SLC61A1: variants seen among roughly 807,000 people sequenced by gnomAD.
SLC61A1 encodes solute carrier family 61 member 1, also known as major facilitator superfamily domain containing 5.
the SLC61A1 span, chr12:53,252,970 C>T: frequency 2.5e-6 from 4 of 1,614,222 alleles, no homozygotes; most frequent in Middle Eastern, 1.6e-4. Context: ...AACTGGACTT[C>T]TATCAGGTCT....
the SLC61A1 span, chr12:53,253,297 T>C: frequency 1.2e-6 from 2 of 1,614,280 alleles, no homozygotes; most frequent in Non-Finnish European, 1.7e-6. Flanking sequence ...GGTATATCCA[T>C]GAGCACGTGG....
chr12:53,251,539 T>G, the SLC61A1 span: 1 of 596,132 alleles, frequency 1.7e-6, no homozygotes, highest in Non-Finnish European at 2.9e-6. Context: ...AACTTTAGCC[T>G]TCTTTATTTG....
At chr12:53,253,516 C>T in the SLC61A1 span, 1 of 1,614,154 alleles carries the variant, frequency 6.2e-7, no homozygotes, top group Non-Finnish European at 8.5e-7. Context: ...AGAACTATGA[C>T]CGGCAGCGTG....
chr12:53,251,937 G>C, the SLC61A1 span: 1 of 1,537,208 alleles, frequency 6.5e-7, no homozygotes, highest in Non-Finnish European at 8.7e-7. Flanking sequence ...CAGGTGTCAC[G>C]GGATGGCAGC....
At chr12:53,252,331 G>C in the SLC61A1 span, 1 of 1,357,838 alleles carries the variant, frequency 7.4e-7, no homozygotes, top group Non-Finnish European at 9.4e-7. Context: ...GCTAGGGGGC[G>C]CAGTGGGGTG....
At chr12:53,251,691 A>G in the SLC61A1 span, 3 of 1,498,170 alleles carry the variant, frequency 2.0e-6, no homozygotes, top group Non-Finnish European at 2.7e-6. Context: ...TTTACACCAC[A>G]CCGCCTCCCT....
At chr12:53,251,644 C>A in the SLC61A1 span, 2 of 1,358,486 alleles carry the variant, frequency 1.5e-6, no homozygotes, top group Non-Finnish European at 2.0e-6. Context: ...AGGGGCAGGA[C>A]TGCGCCTTAG....
chr12:53,253,375 G>A, the SLC61A1 span: 100 of 1,614,264 alleles, frequency 6.2e-5, 2 homozygotes, highest in South Asian at 1.0e-3. Flanking sequence ...GGAACCATGT[G>A]CTGGCTGTAG....
At chr12:53,252,115 C>T in the SLC61A1 span, 5 of 1,447,944 alleles carry the variant, frequency 3.5e-6, no homozygotes, top group Non-Finnish European at 4.5e-6. Context: ...GCCATCATGG[C>T]GGCGGCCAGA....
At chr12:53,252,680 AACT>A in the SLC61A1 span, 1 of 1,203,442 alleles carries the variant, frequency 8.3e-7, no homozygotes, top group East Asian at 2.6e-5. Context: ...CCACCCACCC[AACT>A]GGTCCCTCCG....
chr12:53,252,693 G>C, the SLC61A1 span: 1 of 1,267,092 alleles, frequency 7.9e-7, no homozygotes, highest in Non-Finnish European at 1.1e-6. Context: ...TGGTCCCTCC[G>C]GTCTGAGATC....
the SLC61A1 span, chr12:53,254,156 C>G: frequency 6.2e-7 from 1 of 1,614,050 alleles, no homozygotes; most frequent in Admixed American, 1.7e-5. Flanking sequence ...GGTACCTTCA[C>G]CTACTGAGGA....
chr12:53,253,327 T>C, the SLC61A1 span: 1 of 1,614,282 alleles, frequency 6.2e-7, no homozygotes, highest in Non-Finnish European at 8.5e-7. Context: ...ACTTCCCTGC[T>C]GAGTGGATCC....
the SLC61A1 span, chr12:53,252,795 C>G: frequency 1.9e-6 from 3 of 1,608,432 alleles, no homozygotes; most frequent in East Asian, 2.2e-5. Context: ...GGATATGGCT[C>G]TGACTCCCAC....
chr12:53,254,216 C>G, the SLC61A1 span: 9 of 1,601,746 alleles, frequency 5.6e-6, no homozygotes, highest in Non-Finnish European at 7.7e-6. Context: ...ATAGCTGGGA[C>G]AGACTCTTGA....
At chr12:53,252,810 C>T in the SLC61A1 span, 1 of 1,612,052 alleles carries the variant, frequency 6.2e-7, no homozygotes, top group African/African-American at 1.3e-5. Context: ...TCCCACCTCT[C>T]TTCCCAGGTC....
At chr12:53,251,848 T>C in the SLC61A1 span, 1 of 1,537,310 alleles carries the variant, frequency 6.5e-7, no homozygotes, top group African/African-American at 1.4e-5. Flanking sequence ...GCGGGCATCT[T>C]TCCCGAGCAC....
the SLC61A1 span, chr12:53,253,206 C>T: frequency 6.2e-7 from 1 of 1,614,286 alleles, no homozygotes; most frequent in African/African-American, 1.3e-5. Flanking sequence ...ACCAAACTCT[C>T]TCAAGACTAC....
the SLC61A1 span, chr12:53,254,184 T>C: frequency 6.2e-7 from 1 of 1,613,240 alleles, no homozygotes. Flanking sequence ...GCCCCTGAGC[T>C]GTAACCCCAC....
Sources: gnomAD v4.1 joint callset for allele counts on GRCh38, gnomAD v4.1.1 for gene constraint, MANE v1.5 for transcripts, NCBI Gene and HGNC (gene_info 2026-07-23, HGNC 2026-07-21) for gene names.